MACF1: variants seen among roughly 807,000 people sequenced by gnomAD.
MACF1 encodes microtubule-actin cross-linking factor 1.
Under a neutral mutation model 854.8 loss-of-function variants are expected in MACF1, and 193 were observed. The observed-to-expected ratio is 0.23, with a 90% CI of 0.20 to 0.25. The LOEUF (loss-of-function observed/expected upper bound fraction) is 0.25. Among genes scored for constraint, MACF1 ranks in the 10% least tolerant of loss-of-function variants. MACF1 has a pLI of 1.00. For missense variants in MACF1, 7,722 were observed against 8,929.1 expected, an observed-to-expected ratio of 0.86 and a Z score of 5.45; for synonymous variants, 3,185 against 3,226.7, an observed-to-expected ratio of 0.99 and a Z score of 0.44.
At position 39,422,887 on chromosome 1, in the gene MACF1, T is replaced by C; in HGVS notation, c.16136T>C (p.Ile5379Thr). The change falls in exon 60 of 101, where the codon ATC becomes ACC. Residue 5379 changes from isoleucine (I) to threonine (T), a missense_variant. Around this residue, in one of 15 missense-constraint regions of MACF1, gnomAD observed 2,807 missense variants for 3,235.8 expected, o/e 0.87. Transcript: ENST00000564288. ...SAEYKVVKAQIQEQKLLQRLL... is the reference protein window; with the variant it reads ...SAEYKVVKAQTQEQKLLQRLL... ...GAGTATAAAGTGGTGAAAGCACAGA[T>C]CCAAGAACAGAAGGTAAGTGAGAAT... The C allele has an allele frequency of 6.2e-7, 1 of 1,614,000 alleles. No individual in the cohort carries two copies. The highest frequency in any genetic ancestry group is 1.1e-5 in the South Asian group (1 of 91,080).
intron 58 of MACF1, among the ~76,000 whole-genome samples, chr1:39,417,409 T>A (rs1643356558): frequency 6.6e-6 from 1 of 152,192 alleles, no homozygotes; most frequent in Non-Finnish European, 1.5e-5. Flanking sequence ...AGGGAGTCTT[T>A]TTAAGCAAAA....
upstream of MACF1, among the ~76,000 whole-genome samples, chr1:39,201,054 G>A (rs1165990773): frequency 6.6e-6 from 1 of 152,150 alleles, no homozygotes; most frequent in Non-Finnish European, 1.5e-5. Context: ...TGCATCTCTG[G>A]TATCAGTCTT....
intron 31 of MACF1, among the ~76,000 whole-genome samples, chr1:39,320,788 C>G (rs1476130571): frequency 6.6e-6 from 1 of 151,336 alleles, no homozygotes; most frequent in Non-Finnish European, 1.5e-5. Flanking sequence ...GGCAACATAT[C>G]AAGATCCCAT....
At chr1:39,406,604 G>A (rs755025454) in intron 58 of MACF1, among the ~76,000 whole-genome samples, 42 of 151,862 alleles carry the variant, frequency 2.8e-4, no homozygotes, top group Non-Finnish European at 5.7e-4. Context: ...GTGCGGTGGC[G>A]CATGCCTGTA....
At chr1:39,240,173 T>G (rs149095923) in intron 2 of MACF1, among the ~76,000 whole-genome samples, 2 of 152,350 alleles carry the variant, frequency 1.3e-5, no homozygotes, top group African/African-American at 4.8e-5. Flanking sequence ...ACTGGCTCCC[T>G]AATCACTGGG....
Position 39,460,506 on chromosome 1 carries a change from T to C in MACF1, c.21361-126T>C, listed in dbSNP as rs1231397951. ...TGCCTTCACAAAAGAAGCAAACACA[T>C]AGATTTCATTGTTGATGGCCCCTGG... is the stretch of plus-strand genomic sequence containing the variant. On this transcript the variant is annotated intron_variant, in intron 91 of 100. Coordinates refer to ENST00000564288, the MANE Select transcript of MACF1 (RefSeq NM_001394062.1). This position sits in a 1 kb window ranked among gnomAD's most constrained non-coding sequence, Gnocchi z 4.1. The C allele has an allele frequency of 2.6e-6, 2 of 783,860 alleles. No homozygotes were observed. The highest frequency in any genetic ancestry group is 2.5e-5 in the East Asian group (1 of 39,520). 48.6% of individuals were successfully genotyped at this position (783,860 alleles called of 1,614,324 possible).
At chr1:39,231,159 C>A in intron 1 of MACF1, 23 bp from the exon 2 acceptor site, 1 of 1,610,298 alleles carries the variant, frequency 6.2e-7, no homozygotes, top group Non-Finnish European at 8.5e-7. Flanking sequence ...TAAGCCAGTG[C>A]CTTCTCTGTG....
chr1:39,431,149 G>C (rs766837547), intron 66 of MACF1, among the ~76,000 whole-genome samples: 1 of 152,158 alleles, frequency 6.6e-6, no homozygotes, highest in Non-Finnish European at 1.5e-5. Flanking sequence ...GTCTACATGA[G>C]GCCTTTTCTT....
intron 2 of MACF1, among the ~76,000 whole-genome samples, chr1:39,165,135 C>T (rs958440931): frequency 3.9e-5 from 6 of 152,156 alleles, no homozygotes; most frequent in African/African-American, 1.2e-4. Context: ...GTCTCTGCAG[C>T]AGTTAGGATA....
At chr1:39,166,502 G>T (rs902318627) in intron 2 of MACF1, among the ~76,000 whole-genome samples, 1 of 151,504 alleles carries the variant, frequency 6.6e-6, no homozygotes, top group African/African-American at 2.4e-5. Flanking sequence ...TATTGCCCAG[G>T]CTGGAGTGCA....
intron 2 of MACF1, among the ~76,000 whole-genome samples, chr1:39,090,672 A>G (rs1641780162): frequency 6.6e-6 from 1 of 152,186 alleles, no homozygotes; most frequent in Admixed American, 6.5e-5. Context: ...TTATGGGAGA[A>G]GCCTAGGCTG....
intron 58 of MACF1, among the ~76,000 whole-genome samples, chr1:39,402,955 T>G (rs1172175604): frequency 9.2e-6 from 1 of 108,370 alleles, no homozygotes; most frequent in Non-Finnish European, 2.4e-5. Context: ...ATCTGTCTCT[T>G]CTCTTCTCTC....
intron 15 of MACF1, among the ~76,000 whole-genome samples, chr1:39,289,535 C>G (rs1645724546): frequency 6.6e-6 from 1 of 151,960 alleles, no homozygotes; most frequent in Non-Finnish European, 1.5e-5. Context: ...ATTTGTATGT[C>G]TTCTTTTGAG....
At chr1:39,284,244 C>G in intron 10 of MACF1, 59 bp downstream of exon 10, 1 of 1,591,862 alleles carries the variant, frequency 6.3e-7, no homozygotes, top group Non-Finnish European at 8.6e-7. Flanking sequence ...AGTCTCCAAG[C>G]TTATCACTGC....
chr1:39,191,546 A>C (rs1024711590), intron 2 of MACF1, among the ~76,000 whole-genome samples: 2 of 152,196 alleles, frequency 1.3e-5, no homozygotes, highest in African/African-American at 4.8e-5. Flanking sequence ...ACTACTTGGG[A>C]CACCTAAGGA....
At chr1:39,234,750 G>A (rs572037058) in intron 2 of MACF1, among the ~76,000 whole-genome samples, 1 of 131,800 alleles carries the variant, frequency 7.6e-6, no homozygotes, top group East Asian at 2.4e-4. Flanking sequence ...CTTCTCAGAC[G>A]GGGCGGTTGC....
At chr1:39,247,026 C>A (rs896777949) in intron 2 of MACF1, among the ~76,000 whole-genome samples, 1 of 149,556 alleles carries the variant, frequency 6.7e-6, no homozygotes, top group East Asian at 2.0e-4. Context: ...CTCAGCCTCT[C>A]GAGTAGCTGG....
At chr1:39,326,452 G>A (rs1173770651) in intron 35 of MACF1, among the ~76,000 whole-genome samples, 1 of 152,194 alleles carries the variant, frequency 6.6e-6, no homozygotes, top group East Asian at 1.9e-4. Flanking sequence ...AGGCTGAGGC[G>A]GGCAAATCAC....
rs138439418 is a variant in MACF1, at chr1:39,095,300, C to T, written c.220+10862C>T. ...GAAGGCGGCTGGGTGCGGTGGCTCA[C>T]GCCTGTAATCCCAGCACTTTGGGAG... is the stretch of plus-strand genomic sequence containing the variant. On this transcript the variant is annotated intron_variant, in intron 2 of 93. Transcript: ENST00000361689. 4.7e-3 allele frequency among the ~76,000 whole-genome samples: 720 copies of T among 152,038 alleles called. 4 individuals are homozygous for T. The highest frequency in any genetic ancestry group is 0.017 in the African/African-American group (684 of 41,454).
Sources: allele counts gnomAD v4.1 joint callset (sites outside exome capture counted in the v4.1 genomes callset), GRCh38; gene constraint gnomAD v4.1.1; regional missense constraint gnomAD v4.1.1; non-coding constraint Gnocchi (gnomAD v3.1); transcripts MANE v1.5; gene names NCBI Gene and HGNC (gene_info 2026-07-23, HGNC 2026-07-21).